Variants in RBM33 observed in about 807,000 individuals in gnomAD.
The protein encoded by RBM33 is RNA binding motif protein 33.
A neutral mutation model predicts 132.6 loss-of-function variants in RBM33; 28 were observed. The ratio of observed to expected loss-of-function variants is 0.21; its 90% CI spans 0.16 to 0.29. RBM33 has a LOEUF of 0.29. RBM33 is among the 10% of genes least tolerant of loss of function. RBM33 has a pLI of 1.00. For missense variants in RBM33, 1,291 were observed against 1,518.5 expected, an observed-to-expected ratio of 0.85 and a Z score of 2.49; for synonymous variants, 634 against 593.0, an observed-to-expected ratio of 1.07 and a Z score of -1.01.
At chr7:155,728,599 A>C (rs1325365963) in intron 9 of RBM33, among the ~76,000 whole-genome samples, 1 of 152,084 alleles carries the variant, frequency 6.6e-6, no homozygotes, top group East Asian at 1.9e-4. Context: ...AGTACTGATA[A>C]TTTCTTTTAC....
chr7:155,660,685 G>A (rs1293020942), intron 1 of RBM33, among the ~76,000 whole-genome samples: 1 of 152,128 alleles, frequency 6.6e-6, no homozygotes, highest in Admixed American at 6.6e-5. Context: ...CTTTGGCTTC[G>A]AAACATTTTG....
At chr7:155,679,289 A>G (rs910125783) in intron 4 of RBM33, among the ~76,000 whole-genome samples, 8 of 152,222 alleles carry the variant, frequency 5.3e-5, no homozygotes, top group Non-Finnish European at 8.8e-5. Context: ...TTTCTAAAGA[A>G]TTCCTCTACT....
chr7:155,666,757 T>C (rs1798813478), intron 2 of RBM33, among the ~76,000 whole-genome samples: 1 of 152,244 alleles, frequency 6.6e-6, no homozygotes, highest in Non-Finnish European at 1.5e-5. Context: ...AGGGACTGTT[T>C]ATATTATACT....
At chr7:155,706,785 C>T in intron 6 of RBM33, 75 bp from the exon 7 acceptor site, 2 of 1,218,452 alleles carry the variant, frequency 1.6e-6, no homozygotes, top group Admixed American at 2.3e-5. Flanking sequence ...TCACATCATT[C>T]TTTCCTGTTC....
chr7:155,760,063 CTT>C (rs1412149405), intron 14 of RBM33, among the ~76,000 whole-genome samples: 8 of 152,244 alleles, frequency 5.3e-5, no homozygotes, highest in Non-Finnish European at 1.2e-4. Context: ...TATAATCTCT[CTT>C]AGCACATTCA....
chr7:155,737,643 A>C lies in RBM33; in HGVS notation c.1374A>C (p.Arg458=). 3 of 1,592,054 alleles carry C rather than the reference A, an allele frequency of 1.9e-6. No homozygotes were observed. Among genetic ancestry groups the C allele is most frequent in the Non-Finnish European group, 2.6e-6 (3 of 1,172,518 alleles). ...QWRAPPPPQD[R]DPFFLGVSGE... is the part of the protein sequence containing the mutation. ...GAGCCCCACCCCCGCCTCAGGATCG[A>C]GACCCTTTCTTCTTAGGAGGTACAG... is the stretch of plus-strand genomic sequence containing the variant. The change falls in exon 10 of 18, where the codon CGA becomes CGC. Residue 458 remains arginine (R), a synonymous_variant. Coordinates refer to ENST00000401878, the MANE Select transcript of RBM33 (RefSeq NM_053043.3).
chr7:155,691,520 T>A (rs1364362394), intron 5 of RBM33, among the ~76,000 whole-genome samples: 1 of 152,248 alleles, frequency 6.6e-6, no homozygotes, highest in African/African-American at 2.4e-5. Flanking sequence ...CAATATTTTC[T>A]TTATTCTTCC....
chr7:155,764,038 A>G lies in RBM33; in HGVS notation c.3186+20A>G. On this transcript the variant is annotated intron_variant, in intron 15 of 17. Coordinates refer to ENST00000401878, the MANE Select transcript of RBM33 (RefSeq NM_053043.3). ...AAGAAGGTACTGCTTGTTGCCTCGC[A>G]CGCAGCCCTGGAAACGCGAAGGCCG... is the stretch of plus-strand genomic sequence containing the variant. The G allele has an allele frequency of 2.7e-6, 4 of 1,495,626 alleles. No homozygotes were observed. Among genetic ancestry groups the G allele is most frequent in the Non-Finnish European group, 3.6e-6 (4 of 1,119,958 alleles). 92.6% of individuals were successfully genotyped at this position (1,495,626 alleles called of 1,614,324 possible).
Position 155,738,083 on chromosome 7 carries a change from A to G in RBM33, c.1417A>G (p.Ser473Gly). 6.2e-7 allele frequency: 1 copy of G among 1,613,370 alleles called. No individual in the cohort carries two copies. Among genetic ancestry groups the G allele is most frequent in the Non-Finnish European group, 8.5e-7 (1 of 1,179,492 alleles). ...LGVSGEPRFP[S>G]HLFLEQRSPP... ...AGTTTCAGGTGAACCAAGATTCCCG[A>G]GCCATCTTTTTCTGGAACAGCGAAG... The change falls in exon 11 of 18, where the codon AGC becomes GGC. Residue 473 changes from serine (S) to glycine (G), a missense_variant. Transcript: ENST00000401878.
In RBM33 at chr7:155,737,849, C is replaced by T. The variant is rs116208249; in HGVS notation, c.1393+187C>T. Among the ~76,000 whole-genome samples, 659 of 152,202 alleles carry T rather than the reference C, an allele frequency of 4.3e-3. 6 individuals are homozygous for T. The highest frequency in any genetic ancestry group is 0.015 in the African/African-American group (624 of 41,528). On this transcript the variant is annotated intron_variant, in intron 10 of 17. Coordinates refer to ENST00000401878, the MANE Select transcript of RBM33 (RefSeq NM_053043.3). ...ATTGGACATTGTTGGTATCTGAAAT[C>T]GGAACATCTCATATAAAAGGGAATT...
At chr7:155,759,408 T>C in intron 14 of RBM33, among the ~76,000 whole-genome samples, 1 of 148,316 alleles carries the variant, frequency 6.7e-6, no homozygotes, top group African/African-American at 2.5e-5. Flanking sequence ...GACTCAATGT[T>C]TATGTTCTTT....
intron 1 of RBM33, among the ~76,000 whole-genome samples, chr7:155,651,545 A>C (rs571028607): frequency 7.2e-6 from 1 of 139,512 alleles, no homozygotes; most frequent in African/African-American, 2.7e-5. Context: ...GCACCACTGC[A>C]CTCCAGCCTG....
chr7:155,764,817 C>T (rs1036057428), intron 15 of RBM33, among the ~76,000 whole-genome samples: 22 of 152,258 alleles, frequency 1.4e-4, no homozygotes, highest in Admixed American at 1.2e-3. Context: ...CTCGTCATCT[C>T]GTCACTTTAG....
intron 9 of RBM33, among the ~76,000 whole-genome samples, chr7:155,732,627 A>T (rs1479995051): frequency 6.6e-6 from 1 of 152,216 alleles, no homozygotes; most frequent in Non-Finnish European, 1.5e-5. Flanking sequence ...GAATTTATAT[A>T]TATTTTTAAC....
intron 14 of RBM33, among the ~76,000 whole-genome samples, chr7:155,754,359 C>A (rs1652372415): frequency 6.6e-6 from 1 of 152,190 alleles, no homozygotes; most frequent in Non-Finnish European, 1.5e-5. Flanking sequence ...ACCTGTTCTG[C>A]AGAACTTGCT....
intron 1 of RBM33, among the ~76,000 whole-genome samples, chr7:155,660,128 G>C (rs900504433): frequency 6.6e-6 from 1 of 152,164 alleles, no homozygotes; most frequent in Non-Finnish European, 1.5e-5. Flanking sequence ...AGACTACAGT[G>C]AGTCAGTCAT....
intron 1 of RBM33, among the ~76,000 whole-genome samples, chr7:155,664,552 A>G (rs1585409746): frequency 6.6e-6 from 1 of 152,046 alleles, no homozygotes; most frequent in Non-Finnish European, 1.5e-5. Flanking sequence ...GATTACAGGC[A>G]TGAGCCACCG....
At chr7:155,730,914 A>G (rs77560195) in intron 9 of RBM33, among the ~76,000 whole-genome samples, 1,725 of 152,356 alleles carry the variant, frequency 0.011, 19 homozygotes, top group Non-Finnish European at 0.02. Flanking sequence ...GGAATCTGAT[A>G]GTGCTTAGAG....
At position 155,774,787 on chromosome 7, in the gene RBM33, G is replaced by A. The variant is rs1181253006; in HGVS notation, c.3464+140G>A. 1.3e-5 allele frequency: 11 copies of A among 829,104 alleles called. No homozygotes were observed. The highest frequency in any genetic ancestry group is 4.5e-5 in the South Asian group (3 of 66,258). The allele number at this position is 829,104 out of a possible 1,614,324, so 51.4% of individuals were successfully genotyped here. A position where few individuals can be genotyped will look rare whatever the true frequency, so the allele number is the denominator to read the frequency against. Reference sequence around the variant, plus strand: ...GGACACTAGGGCACAAAGCGCAGACGGTGATCCTGTCATGAGGCGCGCGTC... The same window carrying A: ...GGACACTAGGGCACAAAGCGCAGACAGTGATCCTGTCATGAGGCGCGCGTC... On this transcript the variant is annotated intron_variant, in intron 17 of 17. Transcript: ENST00000401878. The surrounding 1 kb of genome is among the most constrained non-coding windows in gnomAD (Gnocchi z 4.2).
Sources: gnomAD v4.1 joint callset for allele counts (sites outside exome capture counted in the v4.1 genomes callset) on GRCh38, gnomAD v4.1.1 for gene constraint, Gnocchi (gnomAD v3.1) non-coding constraint, MANE v1.5 for transcripts, NCBI Gene and HGNC (gene_info 2026-07-23, HGNC 2026-07-21) for gene names.